Variants in PIK3C2G observed in about 807,000 individuals in gnomAD.
The protein encoded by PIK3C2G is phosphatidylinositol-4-phosphate 3-kinase catalytic subunit type 2 gamma.
In PIK3C2G, 168 loss-of-function variants were observed where a neutral mutation model predicts 181.1. That is an observed-to-expected ratio of 0.93 (90% CI 0.82 to 1.05). PIK3C2G has a LOEUF of 1.05. Among genes scored for constraint, PIK3C2G ranks in the 50% least tolerant of loss-of-function variants. PIK3C2G has a pLI of 0.00. For synonymous variants in PIK3C2G, 573 were observed against 592.2 expected, an observed-to-expected ratio of 0.97 and a Z score of 0.47; for missense variants, 1,869 against 1,732.8, an observed-to-expected ratio of 1.08 and a Z score of -1.40.
intron 30 of PIK3C2G, among the ~76,000 whole-genome samples, chr12:18,599,411 C>G (rs924117718): frequency 6.6e-6 from 1 of 151,842 alleles, no homozygotes; most frequent in African/African-American, 2.4e-5. Context: ...AAAAACCAAA[C>G]ACCGCATATT....
chr12:18,475,373 A>AACAC (rs57853875), intron 18 of PIK3C2G, among the ~76,000 whole-genome samples: 67,384 of 139,664 alleles, frequency 0.48, 16,544 homozygotes, highest in East Asian at 0.78. Flanking sequence ...CCACCACCCC[A>AACAC]ACACACACAC....
intron 18 of PIK3C2G, among the ~76,000 whole-genome samples, chr12:18,471,965 A>G (rs1938502823): frequency 3.3e-5 from 5 of 152,122 alleles, no homozygotes; most frequent in Admixed American, 2.0e-4. Context: ...CAAATTAGAT[A>G]CTGCATTACA....
chr12:18,660,877 T>C, the PIK3C2G span, among the ~76,000 whole-genome samples: 2 of 151,644 alleles, frequency 1.3e-5, no homozygotes, highest in East Asian at 1.9e-4. Flanking sequence ...TTTAAAACAA[T>C]TGATAGTCAA....
rs368779044 is a variant in PIK3C2G at position 18,409,214 on chromosome 12, G to A, written c.2315+9367G>A. ...CATATACACCATGGAATACTATGCA[G>A]CCATAAAAAAGGATGAGTTCATGTC... On this transcript the variant is annotated intron_variant, in intron 16 of 32. Transcript: ENST00000538779. Among the ~76,000 whole-genome samples, 49 of 152,260 alleles carry A rather than the reference G, an allele frequency of 3.2e-4. No individual in the cohort carries two copies. In the East Asian group the frequency reaches 5.0e-3, roughly 16 times the overall value.
At chr12:18,548,024 A>T (rs1944525350) in intron 26 of PIK3C2G, among the ~76,000 whole-genome samples, 1 of 151,960 alleles carries the variant, frequency 6.6e-6, no homozygotes, top group South Asian at 2.1e-4. Context: ...AGCTCCAGGG[A>T]CCACATCAGC....
the PIK3C2G span, among the ~76,000 whole-genome samples, chr12:18,712,091 C>T: frequency 3.6e-4 from 54 of 152,022 alleles, no homozygotes; most frequent in Non-Finnish European, 2.4e-4. Context: ...GTACACATTA[C>T]ACAGTTTTAG....
chr12:18,431,203 T>C (rs1467821003), intron 18 of PIK3C2G, among the ~76,000 whole-genome samples: 2 of 152,192 alleles, frequency 1.3e-5, no homozygotes, highest in African/African-American at 4.8e-5. Context: ...AAAATATATA[T>C]ATTCTGAACC....
intron 4 of PIK3C2G, among the ~76,000 whole-genome samples, chr12:18,291,891 C>CAA (rs201787425): frequency 6.0e-4 from 67 of 112,342 alleles, no homozygotes; most frequent in African/African-American, 2.0e-3. Context: ...CTAGCTTAAG[C>CAA]AAAAAAAAAA....
intron 18 of PIK3C2G, among the ~76,000 whole-genome samples, chr12:18,441,250 C>T (rs571465992): frequency 4.4e-4 from 67 of 151,908 alleles, no homozygotes; most frequent in African/African-American, 1.6e-3. Flanking sequence ...CACTTTCAAT[C>T]GAGTAGAGGT....
intron 24 of PIK3C2G, among the ~76,000 whole-genome samples, chr12:18,510,774 T>A (rs991112186): frequency 1.3e-5 from 2 of 152,212 alleles, no homozygotes; most frequent in African/African-American, 4.8e-5. Context: ...TTTGCATTTA[T>A]GGGATACAAT....
intron 18 of PIK3C2G, among the ~76,000 whole-genome samples, chr12:18,448,470 C>T (rs1252930771): frequency 6.6e-6 from 1 of 151,972 alleles, no homozygotes; most frequent in Admixed American, 6.6e-5. Flanking sequence ...AACTATAGTC[C>T]TCATGTTGTA....
intron 16 of PIK3C2G, among the ~76,000 whole-genome samples, chr12:18,416,607 T>C (rs1945194664): frequency 6.6e-6 from 1 of 152,308 alleles, no homozygotes; most frequent in Non-Finnish European, 1.5e-5. Context: ...TTCAGAATTC[T>C]GCTAAAATGA....
At chr12:18,400,880 A>AAT (rs1158145679) in intron 16 of PIK3C2G, among the ~76,000 whole-genome samples, 6 of 151,764 alleles carry the variant, frequency 4.0e-5, no homozygotes, top group Admixed American at 3.9e-4. Flanking sequence ...TATATAATGG[A>AAT]ATATATATAT....
chr12:18,696,339 T>TC, the PIK3C2G span: 2 of 260,016 alleles, frequency 7.7e-6, no homozygotes, highest in South Asian at 1.6e-4. Flanking sequence ...TATATATATA[T>TC]ATATATATAT....
chr12:18,647,868 G>A lies in PIK3C2G; in HGVS notation c.4309-8G>A, dbSNP rs117378660. On this transcript the variant is annotated splice_polypyrimidine_tract_variant and splice_region_variant and intron_variant, in intron 32 of 32. Transcript: ENST00000538779. ...GATTTATATTTTCATTATTTTCTCC[G>A]TTTTTAGGTAGTATATGATGAAGTC... The A allele has an allele frequency of 4.8e-3, 7,088 of 1,463,982 alleles. 24 individuals are homozygous for A. Among genetic ancestry groups the A allele is most frequent in the Non-Finnish European group, 5.9e-3 (6,455 of 1,092,000 alleles). The allele number at this position is 1,463,982 out of a possible 1,614,324, so 90.7% of individuals were successfully genotyped here.
At chr12:18,673,476 G>C in the PIK3C2G span, among the ~76,000 whole-genome samples, 1 of 152,048 alleles carries the variant, frequency 6.6e-6, no homozygotes, top group Non-Finnish European at 1.5e-5. Context: ...TGATGGCAAG[G>C]AAAAAGCCAA....
chr12:18,597,708 G>C (rs1197120070), intron 30 of PIK3C2G, among the ~76,000 whole-genome samples: 2 of 151,840 alleles, frequency 1.3e-5, no homozygotes, highest in Non-Finnish European at 2.9e-5. Context: ...AAGTCAAATT[G>C]TCCCTGTTTG....
intron 13 of PIK3C2G, among the ~76,000 whole-genome samples, chr12:18,373,695 C>CA (rs911970885): frequency 1.9e-4 from 29 of 151,654 alleles, no homozygotes; most frequent in Admixed American, 8.5e-4. Context: ...TAAAAAAATA[C>CA]AAAAAAAATT....
At chr12:18,590,571 GAACACCGGCATAGGTTATTAATGAGAGC>G (rs988691455) in intron 29 of PIK3C2G, among the ~76,000 whole-genome samples, 24 of 151,940 alleles carry the variant, frequency 1.6e-4, no homozygotes, top group African/African-American at 5.8e-4. Context: ...TACCAGTGGA[GAACACCGGCATAGGTTATTAATGAGAGC>G]AAATGTAGCA....
Sources: gnomAD v4.1 joint callset for allele counts (sites outside exome capture counted in the v4.1 genomes callset) on GRCh38, gnomAD v4.1.1 for gene constraint, MANE v1.5 for transcripts, NCBI Gene and HGNC (gene_info 2026-07-23, HGNC 2026-07-21) for gene names.